The following SETD6 variants were observed in gnomAD, a reference collection of about 807,000 sequenced individuals.
SETD6 encodes the protein SET domain containing 6, protein lysine methyltransferase, also known as N-lysine methyltransferase SETD6.
In SETD6, 67 loss-of-function variants were observed where a neutral mutation model predicts 52.7. That is an observed-to-expected ratio of 1.27 (90% CI 1.04 to 1.56). The LOEUF is 1.56. Among genes scored for constraint, SETD6 ranks in the 40% most tolerant of loss-of-function variants. The pLI is 0.00. For synonymous variants in SETD6, 307 were observed against 250.2 expected (o/e 1.23, Z -2.14); for missense variants, 712 against 607.5 (o/e 1.17, Z -1.81).
At position 58,519,040 on chromosome 16, in the gene SETD6, G is replaced by A. The variant is rs550945966; in HGVS notation, c.*11G>A. On this transcript the variant is annotated 3_prime_UTR_variant, in exon 8 of 8. Coordinates refer to ENST00000219315, the MANE Select transcript of SETD6 (RefSeq NM_001160305.4). The stretch of plus-strand genomic sequence containing the variant: ...GAGCTGACAAGTTAGCAGTTTCCCT[G>A]TTCCCTGAAGGAACAGCAATAAGAA... The A allele has an allele frequency of 6.3e-6, 10 of 1,597,324 alleles. No individual in the cohort carries two copies. The African/African-American group carries it at 1.2e-4, about 19-fold the overall frequency.
rs565223445 is a variant in SETD6, at chr16:58,515,751, T to C, written c.28-40T>C. On this transcript the variant is annotated intron_variant, in intron 1 of 7. Coordinates refer to ENST00000219315, the MANE Select transcript of SETD6 (RefSeq NM_001160305.4). Reference sequence around the variant, plus strand: ...GTCTCCTGCAGTTCCCAGCGGCCTCTCTGGGGGTCGGACCTGGTCACTGCG... The same window carrying C: ...GTCTCCTGCAGTTCCCAGCGGCCTCCCTGGGGGTCGGACCTGGTCACTGCG... 6.3e-6 allele frequency: 9 copies of C among 1,429,684 alleles called. No homozygotes were observed. In the Admixed American group the frequency reaches 2.5e-4, roughly 40 times the overall value. 88.6% of individuals were successfully genotyped at this position (1,429,684 alleles called of 1,614,324 possible). A position where few individuals can be genotyped will look rare whatever the true frequency, so the allele number is the denominator to read the frequency against.
In SETD6 at chr16:58,521,042, G is replaced by A; in HGVS notation, c.*2013G>A. On this transcript the variant is annotated 3_prime_UTR_variant, in exon 8 of 8. Coordinates refer to ENST00000219315, the MANE Select transcript of SETD6 (RefSeq NM_001160305.4). Reference sequence around the variant, plus strand: ...GTGCGACCGACTGGAATAACCTGAAGGATGAAGACAGTTACAAATCTCTGA... The same window carrying A: ...GTGCGACCGACTGGAATAACCTGAAAGATGAAGACAGTTACAAATCTCTGA... 1 of 1,614,056 alleles carries A rather than the reference G, an allele frequency of 6.2e-7. No homozygotes were observed.
chr16:58,519,037 C>T lies in SETD6; in HGVS notation c.*8C>T. On this transcript the variant is annotated 3_prime_UTR_variant, in exon 8 of 8. Coordinates refer to ENST00000219315, the MANE Select transcript of SETD6 (RefSeq NM_001160305.4). ...TTGGAGCTGACAAGTTAGCAGTTTCCCTGTTCCCTGAAGGAACAGCAATAA... is the reference window on the plus strand; with the variant it reads ...TTGGAGCTGACAAGTTAGCAGTTTCTCTGTTCCCTGAAGGAACAGCAATAA... 1.9e-6 allele frequency: 3 copies of T among 1,601,774 alleles called. No individual in the cohort carries two copies. In the East Asian group the frequency reaches 6.7e-5, roughly 36 times the overall value.
rs368971062 is a variant in SETD6 at position 58,516,462 on chromosome 16, G to A, written c.477-16G>A. 2.5e-5 allele frequency: 41 copies of A among 1,613,686 alleles called. No homozygotes were observed. Among genetic ancestry groups the A allele is most frequent in the Non-Finnish European group, 3.3e-5 (39 of 1,179,876 alleles). ...GTGAAGGAATGAAGGGAACCTGGGT[G>A]TGGGTGTCCCTGCAGGCCAGAGGAG... On this transcript the variant is annotated splice_polypyrimidine_tract_variant and intron_variant, in intron 3 of 7. Coordinates refer to ENST00000219315, the MANE Select transcript of SETD6 (RefSeq NM_001160305.4).
chr16:58,523,262 AC>A lies in SETD6; in HGVS notation c.*4235del. ...TCCGTCTCAAAAAAACAAAAAAAAA[AC>A]CAACCAAACGGATTTTCACTGAACA... On this transcript the variant is annotated 3_prime_UTR_variant, in exon 8 of 8. Coordinates refer to ENST00000219315, the MANE Select transcript of SETD6 (RefSeq NM_001160305.4). 3 of 1,272,578 alleles carry A rather than the reference AC, an allele frequency of 2.4e-6. No individual in the cohort carries two copies. Among genetic ancestry groups the A allele is most frequent in the Non-Finnish European group, 3.2e-6 (3 of 942,664 alleles). The allele number at this position is 1,272,578 out of a possible 1,614,324, so 78.8% of individuals were successfully genotyped here. A position where few individuals can be genotyped will look rare whatever the true frequency, so the allele number is the denominator to read the frequency against.
Position 58,518,991 on chromosome 16 carries a change from A to G in SETD6, c.1384A>G (p.Lys462Glu), listed in dbSNP as rs756011608. 4.3e-6 allele frequency: 7 copies of G among 1,613,732 alleles called. No homozygotes were observed. Among genetic ancestry groups the G allele is most frequent in the Non-Finnish European group, 5.9e-6 (7 of 1,179,826 alleles). The change falls in exon 8 of 8, where the codon AAG becomes GAG. Residue 462 changes from lysine to glutamate, a missense_variant. Coordinates refer to ENST00000219315, the MANE Select transcript of SETD6 (RefSeq NM_001160305.4). ...QQALQVRYGQ[K>E]MILHQLLELT... ...AGCCTTACAGGTTCGCTATGGTCAG[A>G]AGATGATCTTACATCAGTTGTTGGA...
At position 58,520,908 on chromosome 16, in the gene SETD6, G is replaced by C; in HGVS notation, c.*1879G>C. The C allele has an allele frequency of 6.4e-7, 1 of 1,557,484 alleles. No individual in the cohort carries two copies. The highest frequency in any genetic ancestry group is 8.8e-7 in the Non-Finnish European group (1 of 1,135,996). On this transcript the variant is annotated 3_prime_UTR_variant, in exon 8 of 8. Transcript: ENST00000219315. Reference sequence around the variant, plus strand: ...GATTCTTCAGTCAGTTTATGAACTCGGTGCAGTGAGACCTCTAGACTGACA... The same window carrying C: ...GATTCTTCAGTCAGTTTATGAACTCCGTGCAGTGAGACCTCTAGACTGACA...
intron 6 of SETD6, 31 bp downstream of exon 6, chr16:58,518,262 C>G (rs2039239068): frequency 1.2e-6 from 2 of 1,613,144 alleles, no homozygotes; most frequent in Non-Finnish European, 1.7e-6. Flanking sequence ...ATATTTGACA[C>G]TGATGGTGTG....
At chr16:58,518,270 G>A (rs371623917) in intron 6 of SETD6, 39 bp downstream of exon 6, 1 of 1,613,156 alleles carries the variant, frequency 6.2e-7, no homozygotes, top group Non-Finnish European at 8.5e-7. Flanking sequence ...CACTGATGGT[G>A]TGTCTATACC....
chr16:58,516,173 CG>C, intron 2 of SETD6, 28 bp from the exon 3 acceptor site: 1 of 1,436,204 alleles, frequency 7.0e-7, no homozygotes, highest in Non-Finnish European at 9.0e-7. Context: ...GAGGCCGCGC[CG>C]GGGCGCTCAC....
chr16:58,522,099 C>G lies in SETD6; in HGVS notation c.*3070C>G, dbSNP rs2039403868. ...CTCTGGGAGGCCAAGACGGGTGGAT[C>G]ACGAGGTCGGGAGTTCAAGACCAGC... is the stretch of plus-strand genomic sequence containing the variant. On this transcript the variant is annotated 3_prime_UTR_variant, in exon 8 of 8. Coordinates refer to ENST00000219315, the MANE Select transcript of SETD6 (RefSeq NM_001160305.4). Among the ~76,000 whole-genome samples the G allele has an allele frequency of 6.6e-6, 1 of 152,016 alleles. No individual in the cohort carries two copies. The highest frequency in any genetic ancestry group is 1.5e-5 in the Non-Finnish European group (1 of 67,996).
At position 58,519,087 on chromosome 16, in the gene SETD6, A is replaced by G. The variant is rs2039275269; in HGVS notation, c.*58A>G. ...AGAACTTTATTCTAAGCTAATACTC[A>G]TTGATGTTTGAAAAAGAGGAAAATT... On this transcript the variant is annotated 3_prime_UTR_variant, in exon 8 of 8. Transcript: ENST00000219315. The G allele has an allele frequency of 1.4e-6, 2 of 1,479,418 alleles. No homozygotes were observed. The highest frequency in any genetic ancestry group is 2.4e-5 in the Admixed American group (1 of 42,262). 91.6% of individuals were successfully genotyped at this position (1,479,418 alleles called of 1,614,324 possible). A position where few individuals can be genotyped will look rare whatever the true frequency, so the allele number is the denominator to read the frequency against.
In SETD6 at chr16:58,521,566, C is replaced by G. The variant is rs536238207; in HGVS notation, c.*2537C>G. Among the ~76,000 whole-genome samples, 8 of 152,292 alleles carry G rather than the reference C, an allele frequency of 5.3e-5. No homozygotes were observed. The South Asian group carries it at 1.7e-3, about 32-fold the overall frequency. ...GCAGATAATGGTATCTACCTCACAGCTGTTCAGAATAAGGGGTGATGGGGG... is the reference window on the plus strand; with the variant it reads ...GCAGATAATGGTATCTACCTCACAGGTGTTCAGAATAAGGGGTGATGGGGG... On this transcript the variant is annotated 3_prime_UTR_variant, in exon 8 of 8. Coordinates refer to ENST00000219315, the MANE Select transcript of SETD6 (RefSeq NM_001160305.4).
Position 58,522,264 on chromosome 16 carries a change from AAAAG to A in SETD6, c.*3236_*3239del, listed in dbSNP as rs1241787506. 1.6e-3 allele frequency among the ~76,000 whole-genome samples: 234 copies of A among 147,046 alleles called. 1 individual carries two copies. Among genetic ancestry groups the A allele is most frequent in the Non-Finnish European group, 2.7e-3 (182 of 66,836 alleles). On this transcript the variant is annotated 3_prime_UTR_variant, in exon 8 of 8. Transcript: ENST00000219315. Reference sequence around the variant, plus strand: ...AAAAAAAAAAAAAAAAAAAAAAAAAAAAAGCTAACATTGCTAGTTCACATGTAAA... The same window carrying A: ...AAAAAAAAAAAAAAAAAAAAAAAAAACTAACATTGCTAGTTCACATGTAAA...
In SETD6 at chr16:58,519,073, C is replaced by G; in HGVS notation, c.*44C>G. The G allele has an allele frequency of 6.5e-7, 1 of 1,536,664 alleles. No homozygotes were observed. The highest frequency in any genetic ancestry group is 8.8e-7 in the Non-Finnish European group (1 of 1,137,818). On this transcript the variant is annotated 3_prime_UTR_variant, in exon 8 of 8. Transcript: ENST00000219315. ...AAGGAACAGCAATAAGAACTTTATT[C>G]TAAGCTAATACTCATTGATGTTTGA...
chr16:58,516,148 G>C (rs185639574), intron 2 of SETD6, 51 bp downstream of exon 2: 8 of 1,183,622 alleles, frequency 6.8e-6, no homozygotes, highest in African/African-American at 5.2e-5. Flanking sequence ...GCGGGGCGGG[G>C]CGGGCCCGGC....
chr16:58,521,170 A>T lies in SETD6; in HGVS notation c.*2141A>T. On this transcript the variant is annotated 3_prime_UTR_variant, in exon 8 of 8. Transcript: ENST00000219315. ...TCTCATTCCTAGACAATTAAAAATTACTTTGAACTCACTTTTCGATTTCTG... is the reference window on the plus strand; with the variant it reads ...TCTCATTCCTAGACAATTAAAAATTTCTTTGAACTCACTTTTCGATTTCTG... 6.2e-7 allele frequency: 1 copy of T among 1,612,988 alleles called. No homozygotes were observed. The highest frequency in any genetic ancestry group is 8.5e-7 in the Non-Finnish European group (1 of 1,179,734).
rs985452266 is a variant in SETD6 at position 58,522,147 on chromosome 16, G to A, written c.*3118G>A. Among the ~76,000 whole-genome samples, 1 of 145,840 alleles carries A rather than the reference G, an allele frequency of 6.9e-6. No individual in the cohort carries two copies. ...AGCCTGGCCAAGATGGTGAAACCCCGTCTCTACTAAAAATACAAAAAATTA... is the reference window on the plus strand; with the variant it reads ...AGCCTGGCCAAGATGGTGAAACCCCATCTCTACTAAAAATACAAAAAATTA... On this transcript the variant is annotated 3_prime_UTR_variant, in exon 8 of 8. Transcript: ENST00000219315.
rs778509567 is a variant in SETD6, at chr16:58,519,002, A to C, written c.1395A>C (p.Leu465Phe). 6.2e-7 allele frequency: 1 copy of C among 1,612,962 alleles called. No individual in the cohort carries two copies. Among genetic ancestry groups the C allele is most frequent in the Non-Finnish European group, 8.5e-7 (1 of 1,179,266 alleles). The stretch of plus-strand genomic sequence containing the variant: ...TTCGCTATGGTCAGAAGATGATCTT[A>C]CATCAGTTGTTGGAGCTGACAAGTT... ...LQVRYGQKMILHQLLELTS is the reference protein window; with the variant it reads ...LQVRYGQKMIFHQLLELTS Residue 465 changes from leucine to phenylalanine, a missense_variant, in exon 8 of 8, where the codon TTA (leucine) becomes TTC (phenylalanine). By Grantham distance (22) the Leu-to-Phe change is conservative. Transcript: ENST00000219315.
Sources: gnomAD v4.1 joint callset for allele counts (sites outside exome capture counted in the v4.1 genomes callset) on GRCh38, gnomAD v4.1.1 for gene constraint, MANE v1.5 for transcripts, NCBI Gene and HGNC (gene_info 2026-07-23, HGNC 2026-07-21) for gene names.